The following NOL10 variants were observed in gnomAD, a reference collection of about 807,000 sequenced individuals.
The protein encoded by NOL10 is H_NH0074G24.1.
In NOL10, 58 loss-of-function variants were observed where a neutral mutation model predicts 103.5. That is an observed-to-expected ratio of 0.56 (90% CI 0.45 to 0.70). The LOEUF (loss-of-function observed/expected upper bound fraction) is 0.70, where lower values mean the gene tolerates loss of function less well. NOL10 is among the 30% of genes least tolerant of loss of function. The pLI is 0.00. For synonymous variants in NOL10, 287 were observed against 282.5 expected (o/e 1.02, Z -0.16); for missense variants, 763 against 807.3 (o/e 0.95, Z 0.67).
intron 13 of NOL10, among the ~76,000 whole-genome samples, chr2:10,609,250 A>T (rs1197217359): frequency 3.7e-5 from 1 of 27,308 alleles, no homozygotes; most frequent in African/African-American, 3.5e-4. Flanking sequence ...AAGATGGCTT[A>T]AAAAAAACTA....
chr2:10,574,886 A>G (rs1048365236), intron 20 of NOL10, among the ~76,000 whole-genome samples: 4 of 152,222 alleles, frequency 2.6e-5, no homozygotes, highest in Non-Finnish European at 5.9e-5. Flanking sequence ...CCACCAAGGT[A>G]GGAGCTTCAA....
At chr2:10,622,073 T>C (rs1354570955) in intron 13 of NOL10, 2 of 471,220 alleles carry the variant, frequency 4.2e-6, no homozygotes, top group South Asian at 1.5e-5. Flanking sequence ...ACACAGCAGA[T>C]ATAGAACGTG....
intron 2 of NOL10, among the ~76,000 whole-genome samples, chr2:10,683,155 A>G (rs1681901935): frequency 6.6e-6 from 1 of 152,210 alleles, no homozygotes; most frequent in Non-Finnish European, 1.5e-5. Context: ...TTATCTGCAG[A>G]CAAGAGGAAA....
chr2:10,663,137 C>T (rs1386724954), intron 8 of NOL10, 93 bp from the exon 9 acceptor site: 17 of 931,652 alleles, frequency 1.8e-5, no homozygotes, highest in African/African-American at 3.3e-5. Flanking sequence ...GAGGCCGAGG[C>T]GGGCTGATCA....
chr2:10,580,537 A>C (rs927169418), intron 19 of NOL10, among the ~76,000 whole-genome samples: 2 of 152,198 alleles, frequency 1.3e-5, no homozygotes, highest in African/African-American at 4.8e-5. Flanking sequence ...GAAAATAGAT[A>C]CAGGCTTTAC....
chr2:10,661,118 C>T (rs2148322985), intron 9 of NOL10, among the ~76,000 whole-genome samples: 1 of 152,262 alleles, frequency 6.6e-6, no homozygotes, highest in Admixed American at 6.5e-5. Context: ...TCTTGTTGCC[C>T]AGGTTGGAGT....
chr2:10,590,951 TGACTCTGCTGAACA>T, intron 17 of NOL10: 1 of 152,376 alleles, frequency 6.6e-6, no homozygotes, highest in Admixed American at 6.5e-5. Context: ...TGATGGACTC[TGACTCTGCTGAACA>T]GACTACTTTA....
chr2:10,685,530 G>A (rs1435168995), intron 1 of NOL10, among the ~76,000 whole-genome samples: 1 of 128,336 alleles, frequency 7.8e-6, no homozygotes, highest in Non-Finnish European at 1.6e-5. Flanking sequence ...GAAAAAAACA[G>A]GCTTAACCAC....
chr2:10,682,986 C>T (rs1438253162), intron 2 of NOL10, among the ~76,000 whole-genome samples: 1 of 152,032 alleles, frequency 6.6e-6, no homozygotes, highest in East Asian at 1.9e-4. Flanking sequence ...GGTTTCACTA[C>T]GTTGGCCAGG....
chr2:10,596,719 A>T (rs1015153725), intron 17 of NOL10, among the ~76,000 whole-genome samples: 1 of 152,152 alleles, frequency 6.6e-6, no homozygotes, highest in African/African-American at 2.4e-5. Flanking sequence ...CCTGGCCTAG[A>T]GATCTCATGC....
intron 5 of NOL10, 33 bp from the exon 6 acceptor site, chr2:10,671,723 G>A (rs1233906429): frequency 3.3e-6 from 5 of 1,500,198 alleles, no homozygotes; most frequent in East Asian, 2.5e-5. Context: ...AGTTTGCTTA[G>A]GTTTCTAGTT....
chr2:10,607,302 G>C lies in NOL10; in HGVS notation c.1036C>G (p.Pro346Ala). ...MGIYYIPVLG[P>A]APRWCSFLDN... ...AAGAAGGAACACCACCGAGGAGCAG[G>C]ACCCAAAACCTGTTGGTGTTTATGA... The change falls in exon 14 of 21, where the codon CCT becomes GCT. Residue 346 changes from proline (P) to alanine (A), a missense_variant. Coordinates refer to ENST00000381685, the MANE Select transcript of NOL10 (RefSeq NM_024894.4). 1.2e-6 allele frequency: 2 copies of C among 1,601,682 alleles called. No individual in the cohort carries two copies. The highest frequency in any genetic ancestry group is 1.7e-6 in the Non-Finnish European group (2 of 1,174,630).
At position 10,654,502 on chromosome 2, in the gene NOL10, C is replaced by T. The variant is rs756078407; in HGVS notation, c.952G>A (p.Val318Ile). ...ATACCTGAGTTGGGGTAGAGACAAACATCATTAAGGTCATGCTCTGGCTCC... is the reference window on the plus strand; with the variant it reads ...ATACCTGAGTTGGGGTAGAGACAAATATCATTAAGGTCATGCTCTGGCTCC... ...SLEPEHDLND[V>I]CLYPNSGMLL... The change falls in exon 12 of 21, where the codon GTT becomes ATT. Residue 318 changes from valine to isoleucine, a missense_variant. Physicochemically the swap from Val to Ile is conservative, Grantham distance 29. Coordinates refer to ENST00000381685, the MANE Select transcript of NOL10 (RefSeq NM_024894.4). 2 of 1,601,348 alleles carry T rather than the reference C, an allele frequency of 1.2e-6. No homozygotes were observed. Among genetic ancestry groups the T allele is most frequent in the Non-Finnish European group, 1.7e-6 (2 of 1,176,802 alleles).
chr2:10,591,499 A>C (rs1019927081), intron 17 of NOL10, among the ~76,000 whole-genome samples: 2 of 152,202 alleles, frequency 1.3e-5, no homozygotes, highest in Non-Finnish European at 2.9e-5. Context: ...AGAATGATGC[A>C]ATTTCAAAAC....
chr2:10,613,419 A>T (rs1434045442), intron 13 of NOL10, among the ~76,000 whole-genome samples: 1 of 152,228 alleles, frequency 6.6e-6, no homozygotes, highest in Non-Finnish European at 1.5e-5. Flanking sequence ...GCCAAAACAG[A>T]AATTTTTAAA....
At chr2:10,634,899 A>G (rs1678099031) in intron 13 of NOL10, among the ~76,000 whole-genome samples, 1 of 152,220 alleles carries the variant, frequency 6.6e-6, no homozygotes, top group Admixed American at 6.5e-5. Context: ...AAGTAAAATG[A>G]TGTGCATATG....
Position 10,589,571 on chromosome 2 carries a change from AC to A in NOL10, c.1596+6del. On this transcript the variant is annotated splice_donor_region_variant and intron_variant, in intron 18 of 20. Coordinates refer to ENST00000381685, the MANE Select transcript of NOL10 (RefSeq NM_024894.4). ...TAGCAAATTCTAACTGATAAGGAGT[AC>A]ATTACTTTTTCACGAAGTTCTTGTT... The A allele has an allele frequency of 1.3e-6, 2 of 1,552,032 alleles. No homozygotes were observed. Among genetic ancestry groups the A allele is most frequent in the Non-Finnish European group, 1.7e-6 (2 of 1,153,972 alleles).
chr2:10,616,217 ATTTTTTTTTTTTTTTT>A (rs533351651), intron 13 of NOL10, among the ~76,000 whole-genome samples: 4 of 95,614 alleles, frequency 4.2e-5, no homozygotes, highest in Admixed American at 1.1e-4. Flanking sequence ...ACCACCCTGC[ATTTTTTTTTTTTTTTT>A]TTTTTTTTTT....
chr2:10,620,957 G>A (rs1053414424), intron 13 of NOL10, among the ~76,000 whole-genome samples: 1 of 152,072 alleles, frequency 6.6e-6, no homozygotes, highest in African/African-American at 2.4e-5. Context: ...AATAATGCCA[G>A]GCGAATTTTC....
Sources: gnomAD v4.1 joint callset for allele counts (sites outside exome capture counted in the v4.1 genomes callset) on GRCh38, gnomAD v4.1.1 for gene constraint, MANE v1.5 for transcripts, NCBI Gene and HGNC (gene_info 2026-07-23, HGNC 2026-07-21) for gene names.